NLGN1: variants seen among roughly 807,000 people sequenced by gnomAD.
The protein encoded by NLGN1 is neuroligin-1.
In NLGN1, 12 loss-of-function variants were observed where a neutral mutation model predicts 65.5. That is an observed-to-expected ratio of 0.18 (90% CI 0.12 to 0.30). The LOEUF is 0.30. Among genes scored for constraint, NLGN1 ranks in the 10% least tolerant of loss-of-function variants. The probability of loss-of-function intolerance (pLI) is 1.00; values close to 1 mark genes in which losing one functional copy is unlikely to be tolerated. For synonymous variants in NLGN1, 350 were observed against 359.5 expected, an observed-to-expected ratio of 0.97 and a Z score of 0.30; for missense variants, 750 against 1,007.1, an observed-to-expected ratio of 0.74 and a Z score of 3.46.
intron 4 of NLGN1, among the ~76,000 whole-genome samples, chr3:174,069,121 G>T (rs2152531313): frequency 6.6e-6 from 1 of 152,262 alleles, no homozygotes; most frequent in East Asian, 1.9e-4. Context: ...AAAGAATGGG[G>T]TTTAATGTTT....
chr3:173,429,996 T>C (rs528376), intron 1 of NLGN1, among the ~76,000 whole-genome samples: 44,289 of 152,042 alleles, frequency 0.29, 6,782 homozygotes, highest in Middle Eastern at 0.42. Flanking sequence ...CTCTAGTTTC[T>C]CTTAGAAGCC....
At chr3:173,829,600 TAAAG>T (rs71162366) in intron 4 of NLGN1, among the ~76,000 whole-genome samples, 15,016 of 151,804 alleles carry the variant, frequency 0.099, 755 homozygotes, top group Middle Eastern at 0.13. Context: ...TAAGATCACT[TAAAG>T]AAACTGCTCT....
At chr3:174,023,835 C>A (rs1293064882) in intron 4 of NLGN1, among the ~76,000 whole-genome samples, 1 of 152,122 alleles carries the variant, frequency 6.6e-6, no homozygotes, top group Admixed American at 6.5e-5. Context: ...ACAGGCCCTG[C>A]AGTCAGCAGC....
At position 174,009,879 on chromosome 3, in the gene NLGN1, T is replaced by G. The variant is rs1012431224; in HGVS notation, c.646+202047T>G. On this transcript the variant is annotated intron_variant, in intron 4 of 6. Transcript: ENST00000457714. Reference sequence around the variant, plus strand: ...TAGGATTTCAATAGGCAGAGAGCATTTATAGCTTGAGCAAAGTCAGAGAAA... The same window carrying G: ...TAGGATTTCAATAGGCAGAGAGCATGTATAGCTTGAGCAAAGTCAGAGAAA... Among the ~76,000 whole-genome samples the G allele has an allele frequency of 5.9e-5, 9 of 152,136 alleles. No homozygotes were observed. The East Asian group carries it at 9.7e-4, about 16-fold the overall frequency.
intron 4 of NLGN1, among the ~76,000 whole-genome samples, chr3:174,191,876 TTGCACCTATCTATG>T (rs1253926376): frequency 6.6e-6 from 1 of 152,162 alleles, no homozygotes; most frequent in African/African-American, 2.4e-5. Flanking sequence ...TGTTTGAGCT[TTGCACCTATCTATG>T]AAATTTACTT....
intron 4 of NLGN1, among the ~76,000 whole-genome samples, chr3:174,120,477 A>G (rs1337816492): frequency 1.3e-5 from 2 of 152,124 alleles, no homozygotes; most frequent in Non-Finnish European, 2.9e-5. Flanking sequence ...ACTGCACCCC[A>G]GCCTGGGTGA....
chr3:174,050,358 AAAAG>A (rs1734544110), intron 4 of NLGN1, among the ~76,000 whole-genome samples: 1 of 152,068 alleles, frequency 6.6e-6, no homozygotes, highest in Admixed American at 6.6e-5. Flanking sequence ...AATAGCCATG[AAAAG>A]AAAGAATTAT....
intron 4 of NLGN1, among the ~76,000 whole-genome samples, chr3:174,085,860 C>G (rs1743124972): frequency 6.6e-6 from 1 of 151,906 alleles, no homozygotes. Context: ...TAGGCTGGTG[C>G]AAACATAATC....
chr3:173,543,464 T>C (rs1307145917), intron 2 of NLGN1, among the ~76,000 whole-genome samples: 1 of 152,152 alleles, frequency 6.6e-6, no homozygotes, highest in East Asian at 1.9e-4. Flanking sequence ...CTTATGAGGA[T>C]ATACACTGGG....
chr3:173,702,006 G>A (rs921615313), intron 3 of NLGN1, among the ~76,000 whole-genome samples: 29 of 152,208 alleles, frequency 1.9e-4, no homozygotes, highest in Non-Finnish European at 3.8e-4. Flanking sequence ...TTGGGAGGCC[G>A]AGGCGGGTGG....
intron 4 of NLGN1, among the ~76,000 whole-genome samples, chr3:174,251,937 A>G (rs908196299): frequency 2.0e-5 from 3 of 152,174 alleles, no homozygotes; most frequent in African/African-American, 7.2e-5. Context: ...AGCTACGTAG[A>G]TATTTCAGCT....
At position 174,124,600 on chromosome 3, in the gene NLGN1, C is replaced by CAT. The variant is rs1445228851; in HGVS notation, c.647-150709_647-150708dup. On this transcript the variant is annotated intron_variant, in intron 4 of 6. Coordinates refer to ENST00000457714, the Ensembl canonical transcript of NLGN1. ...ACATATATACGTATATATACGTATA[C>CAT]ATATATACGTATATATACGTATACA... Among the ~76,000 whole-genome samples, 7 of 144,460 alleles carry CAT rather than the reference C, an allele frequency of 4.8e-5. 1 individual carries two copies. Among genetic ancestry groups the CAT allele is most frequent in the African/African-American group, 5.1e-5 (2 of 39,062 alleles). 94.8% of individuals were successfully genotyped at this position (144,460 alleles called of 152,430 possible). A position where few individuals can be genotyped will look rare whatever the true frequency, so the allele number is the denominator to read the frequency against.
intron 4 of NLGN1, among the ~76,000 whole-genome samples, chr3:174,052,924 C>T (rs2152505483): frequency 6.6e-6 from 1 of 152,108 alleles, no homozygotes; most frequent in African/African-American, 2.4e-5. Flanking sequence ...ATCAAAAATG[C>T]TCCTACAAAA....
At chr3:173,636,998 C>A (rs1756697194) in intron 3 of NLGN1, among the ~76,000 whole-genome samples, 1 of 151,994 alleles carries the variant, frequency 6.6e-6, no homozygotes, top group Non-Finnish European at 1.5e-5. Context: ...GTGCAAAGTG[C>A]AAAGAGAAAT....
chr3:173,519,715 T>A (rs1028996110), intron 2 of NLGN1, among the ~76,000 whole-genome samples: 2 of 152,222 alleles, frequency 1.3e-5, no homozygotes, highest in Admixed American at 6.5e-5. Context: ...CTATTTTTTT[T>A]TTTTTTATTT....
intron 1 of NLGN1, among the ~76,000 whole-genome samples, chr3:173,410,740 C>A (rs1712364565): frequency 6.6e-6 from 1 of 152,188 alleles, no homozygotes; most frequent in South Asian, 2.1e-4. Flanking sequence ...CTCTTAATTA[C>A]AAAGCAACTT....
intron 2 of NLGN1, among the ~76,000 whole-genome samples, chr3:173,551,711 G>A (rs140851629): frequency 4.6e-4 from 70 of 152,278 alleles, no homozygotes; most frequent in African/African-American, 1.7e-3. Flanking sequence ...TTGTGATCTT[G>A]GTACCGAAAT....
chr3:173,792,457 T>C (rs1214522964), intron 3 of NLGN1, among the ~76,000 whole-genome samples: 1 of 152,182 alleles, frequency 6.6e-6, no homozygotes, highest in Non-Finnish European at 1.5e-5. Flanking sequence ...TTCTTTTCAA[T>C]GTGAAATACT....
intron 3 of NLGN1, among the ~76,000 whole-genome samples, chr3:173,704,716 T>C (rs1767781205): frequency 6.6e-6 from 1 of 152,170 alleles, no homozygotes; most frequent in Admixed American, 6.5e-5. Context: ...ATGATAAAAA[T>C]GATTGTCATT....
Sources: allele counts gnomAD v4.1 joint callset (sites outside exome capture counted in the v4.1 genomes callset), GRCh38; gene constraint gnomAD v4.1.1; transcripts MANE v1.5; gene names NCBI Gene and HGNC (gene_info 2026-07-23, HGNC 2026-07-21).